The following CNTNAP5 variants were observed in gnomAD, a reference collection of about 807,000 sequenced individuals.
CNTNAP5 encodes the protein contactin associated protein family member 5, also known as contactin-associated protein-like 5.
CNTNAP5 carries 72 observed loss-of-function variants against 150.2 expected under a neutral mutation model. The ratio of observed to expected loss-of-function variants is 0.48; its 90% CI spans 0.40 to 0.58. The LOEUF (loss-of-function observed/expected upper bound fraction) is 0.58. Among genes scored for constraint, CNTNAP5 ranks in the 20% least tolerant of loss-of-function variants. The pLI is 0.00. For synonymous variants in CNTNAP5, 672 were observed against 619.8 expected, an observed-to-expected ratio of 1.08 and a Z score of -1.25; for missense variants, 1,636 against 1,626.2, an observed-to-expected ratio of 1.01 and a Z score of -0.10.
At chr2:124,361,988 C>T (rs1690216939) in intron 3 of CNTNAP5, among the ~76,000 whole-genome samples, 1 of 152,224 alleles carries the variant, frequency 6.6e-6, no homozygotes, top group African/African-American at 2.4e-5. Context: ...CCCTCTGAGC[C>T]AGGTGCGGGA....
intron 4 of CNTNAP5, among the ~76,000 whole-genome samples, chr2:124,429,337 T>A (rs1692316040): frequency 6.6e-6 from 1 of 152,140 alleles, no homozygotes; most frequent in South Asian, 2.1e-4. Flanking sequence ...TGGAAGCTGA[T>A]TCTAAGTTAA....
intron 22 of CNTNAP5, among the ~76,000 whole-genome samples, chr2:124,910,139 C>G (rs1678626201): frequency 6.6e-6 from 1 of 151,932 alleles, no homozygotes; most frequent in South Asian, 2.1e-4. Flanking sequence ...CTACCACACT[C>G]CCTTCACTTG....
chr2:124,179,115 C>T (rs1301394554), intron 1 of CNTNAP5, among the ~76,000 whole-genome samples: 1 of 151,618 alleles, frequency 6.6e-6, no homozygotes, highest in Non-Finnish European at 1.5e-5. Flanking sequence ...TTTGCATTCT[C>T]ATGTACCTGC....
intron 6 of CNTNAP5, among the ~76,000 whole-genome samples, chr2:124,452,383 A>T (rs1262985283): frequency 6.6e-6 from 1 of 152,088 alleles, no homozygotes; most frequent in Non-Finnish European, 1.5e-5. Flanking sequence ...AGCAGTTGCC[A>T]CAAGACCTGC....
chr2:124,027,407 T>C (rs1029892564), intron 1 of CNTNAP5, among the ~76,000 whole-genome samples: 1 of 152,162 alleles, frequency 6.6e-6, no homozygotes, highest in African/African-American at 2.4e-5. Flanking sequence ...GAAGAGTGAA[T>C]ACTTTGAAAA....
intron 19 of CNTNAP5, among the ~76,000 whole-genome samples, chr2:124,840,917 C>T (rs139396532): frequency 6.6e-6 from 1 of 152,234 alleles, no homozygotes; most frequent in African/African-American, 2.4e-5. Flanking sequence ...GCAGACCATT[C>T]TGACCAAGTT....
At chr2:124,514,745 G>C (rs1694667357) in intron 8 of CNTNAP5, among the ~76,000 whole-genome samples, 1 of 152,108 alleles carries the variant, frequency 6.6e-6, no homozygotes. Flanking sequence ...ATAGAATTTG[G>C]CCAAATATGG....
chr2:124,168,374 G>A (rs1291885779), intron 1 of CNTNAP5, among the ~76,000 whole-genome samples: 1 of 152,178 alleles, frequency 6.6e-6, no homozygotes, highest in African/African-American at 2.4e-5. Context: ...TCAACTTTCA[G>A]TATTTTCTTA....
Position 124,899,163 on chromosome 2 carries a change from CCAAA to C in CNTNAP5, c.3437-3714_3437-3711del, listed in dbSNP as rs145479921. On this transcript the variant is annotated intron_variant, in intron 21 of 23. Transcript: ENST00000682447. ...TGTGCAATATAAATATATACAAAAA[CCAAA>C]CAAATACATAAAACACCAAAGCTGC... 5.2e-3 allele frequency among the ~76,000 whole-genome samples: 786 copies of C among 151,356 alleles called. 33 individuals are homozygous for C. Among genetic ancestry groups the C allele is most frequent in the African/African-American group, 0.018 (749 of 40,906 alleles).
intron 1 of CNTNAP5, among the ~76,000 whole-genome samples, chr2:124,172,229 A>G (rs1410061951): frequency 6.6e-6 from 1 of 152,210 alleles, no homozygotes; most frequent in Non-Finnish European, 1.5e-5. Flanking sequence ...ATTGTTAAAT[A>G]ACTACTAAAA....
chr2:124,706,787 A>G (rs1351593291), intron 13 of CNTNAP5, among the ~76,000 whole-genome samples: 1 of 36,030 alleles, frequency 2.8e-5, no homozygotes, highest in Non-Finnish European at 5.7e-5. Flanking sequence ...AAGAAGAAGA[A>G]GAAGAAGAAG....
chr2:124,229,638 C>T (rs1349754501), intron 2 of CNTNAP5, among the ~76,000 whole-genome samples: 2 of 152,150 alleles, frequency 1.3e-5, no homozygotes, highest in Non-Finnish European at 2.9e-5. Context: ...ACGGATCAGT[C>T]TTTGTCAAAT....
In CNTNAP5 at chr2:124,465,510, A is replaced by G. The variant is rs537170904; in HGVS notation, c.919-9229A>G. Among the ~76,000 whole-genome samples the G allele has an allele frequency of 3.3e-5, 5 of 152,344 alleles. No individual in the cohort carries two copies. In the East Asian group the frequency reaches 9.6e-4, roughly 29 times the overall value. ...AAGACAATGAGGCAAAAGCAGATTTAGAAGCAAATTGTCAGTGCTCTTTTT... is the reference window on the plus strand; with the variant it reads ...AAGACAATGAGGCAAAAGCAGATTTGGAAGCAAATTGTCAGTGCTCTTTTT... On this transcript the variant is annotated intron_variant, in intron 6 of 23. Transcript: ENST00000682447.
intron 3 of CNTNAP5, among the ~76,000 whole-genome samples, chr2:124,414,300 T>G (rs1042731323): frequency 6.6e-6 from 1 of 152,104 alleles, no homozygotes; most frequent in Non-Finnish European, 1.5e-5. Context: ...TTGACTTTGA[T>G]CCACTGGTGA....
chr2:124,318,397 T>C (rs779018069), intron 3 of CNTNAP5, among the ~76,000 whole-genome samples: 1 of 152,222 alleles, frequency 6.6e-6, no homozygotes, highest in Non-Finnish European at 1.5e-5. Flanking sequence ...TGTTAAATTA[T>C]GGCTTGAATA....
At chr2:124,221,630 T>A in intron 1 of CNTNAP5, 75 bp from the exon 2 acceptor site, 1 of 986,976 alleles carries the variant, frequency 1.0e-6, no homozygotes, top group Non-Finnish European at 1.6e-6. Flanking sequence ...AGTTAATTTC[T>A]CAACTTCTCT....
At chr2:124,236,213 G>C (rs757679046) in intron 2 of CNTNAP5, among the ~76,000 whole-genome samples, 7 of 152,030 alleles carry the variant, frequency 4.6e-5, no homozygotes, top group African/African-American at 7.2e-5. Context: ...TGATCCGCCC[G>C]CCTTGGCCTC....
intron 1 of CNTNAP5, among the ~76,000 whole-genome samples, chr2:124,125,558 T>C (rs779640038): frequency 3.3e-5 from 5 of 152,116 alleles, no homozygotes; most frequent in Admixed American, 6.5e-5. Context: ...CTGCACCAAG[T>C]GGACCTAATA....
chr2:124,676,452 A>G (rs1016734667), intron 13 of CNTNAP5, among the ~76,000 whole-genome samples: 1 of 152,172 alleles, frequency 6.6e-6, no homozygotes, highest in Non-Finnish European at 1.5e-5. Context: ...CTTATTCCCA[A>G]TTGGCATCAC....
Sources: allele counts gnomAD v4.1 joint callset (sites outside exome capture counted in the v4.1 genomes callset), GRCh38; gene constraint gnomAD v4.1.1; transcripts MANE v1.5; gene names NCBI Gene and HGNC (gene_info 2026-07-23, HGNC 2026-07-21).